The following R3HCC1L variants were observed in gnomAD, a reference collection of about 807,000 sequenced individuals.
R3HCC1L encodes R3H domain and coiled-coil containing 1 like.
A neutral mutation model predicts 59.9 loss-of-function variants in R3HCC1L; 51 were observed. That is an observed-to-expected ratio of 0.85 (90% confidence interval 0.68 to 1.07). The LOEUF (loss-of-function observed/expected upper bound fraction) is 1.07. Ranked by LOEUF, R3HCC1L falls within the 50% of genes least tolerant of loss-of-function variation. R3HCC1L has a pLI of 0.00. For synonymous variants in R3HCC1L, 322 were observed against 315.2 expected, an observed-to-expected ratio of 1.02 and a Z score of -0.23; for missense variants, 965 against 933.0, an observed-to-expected ratio of 1.03 and a Z score of -0.45.
intron 1 of R3HCC1L, among the ~76,000 whole-genome samples, chr10:98,146,218 T>A (rs1845639489): frequency 6.6e-6 from 1 of 152,208 alleles, no homozygotes; most frequent in Non-Finnish European, 1.5e-5. Context: ...TTGCATACTA[T>A]ACAATTCACC....
intron 5 of R3HCC1L, among the ~76,000 whole-genome samples, chr10:98,219,432 T>C (rs1340659131): frequency 6.6e-6 from 1 of 152,366 alleles, no homozygotes; most frequent in African/African-American, 2.4e-5. Context: ...ATTTAACCCA[T>C]GTACATTCAT....
At chr10:98,169,256 A>G (rs1471429178) in intron 4 of R3HCC1L, among the ~76,000 whole-genome samples, 1 of 152,220 alleles carries the variant, frequency 6.6e-6, no homozygotes, top group Non-Finnish European at 1.5e-5. Context: ...CATCATTGTG[A>G]GACCATTCTG....
chr10:98,154,748 T>C (rs1846668694), intron 1 of R3HCC1L, among the ~76,000 whole-genome samples: 2 of 152,202 alleles, frequency 1.3e-5, no homozygotes, highest in Admixed American at 1.3e-4. Flanking sequence ...CAGTTAATTG[T>C]CTTTAGGACA....
intron 4 of R3HCC1L, among the ~76,000 whole-genome samples, chr10:98,180,858 A>G (rs1196710630): frequency 6.6e-6 from 1 of 151,982 alleles, no homozygotes; most frequent in East Asian, 1.9e-4. Context: ...GTTTTATGAG[A>G]CTAGGATTGC....
At chr10:98,239,303 A>G (rs143129354) in intron 9 of R3HCC1L, among the ~76,000 whole-genome samples, 58 of 152,356 alleles carry the variant, frequency 3.8e-4, no homozygotes, top group African/African-American at 1.4e-3. Flanking sequence ...AGTGGCAGAT[A>G]TTGTTAAATC....
chr10:98,221,643 C>T (rs1854981971), intron 5 of R3HCC1L, among the ~76,000 whole-genome samples: 1 of 151,632 alleles, frequency 6.6e-6, no homozygotes, highest in African/African-American at 2.4e-5. Context: ...GGAATCCTTT[C>T]CCCATTGCTT....
At chr10:98,237,979 CT>C (rs760088996) in intron 9 of R3HCC1L, among the ~76,000 whole-genome samples, 12 of 152,088 alleles carry the variant, frequency 7.9e-5, no homozygotes, top group Non-Finnish European at 1.5e-4. Flanking sequence ...AGGTAAGTAA[CT>C]TACTTACTTT....
chr10:98,175,803 A>G (rs1848952780), intron 4 of R3HCC1L, among the ~76,000 whole-genome samples: 1 of 152,170 alleles, frequency 6.6e-6, no homozygotes, highest in African/African-American at 2.4e-5. Context: ...TGATTTAAAA[A>G]TTATTTTATT....
At chr10:98,172,899 C>G (rs1431374423) in intron 4 of R3HCC1L, among the ~76,000 whole-genome samples, 1 of 152,186 alleles carries the variant, frequency 6.6e-6, no homozygotes, top group Non-Finnish European at 1.5e-5. Flanking sequence ...AAAAATTTTA[C>G]AAGTTGAGCA....
At chr10:98,178,176 T>C (rs997276441) in intron 4 of R3HCC1L, among the ~76,000 whole-genome samples, 7 of 152,224 alleles carry the variant, frequency 4.6e-5, no homozygotes, top group African/African-American at 1.4e-4. Context: ...TAGGTTTTTT[T>C]CTAGGGTTTT....
rs1438038345 is a variant in R3HCC1L, at chr10:98,164,723, G to A, written c.-15+1326G>A. On this transcript the variant is annotated intron_variant, in intron 4 of 9. Coordinates refer to ENST00000298999, the MANE Select transcript of R3HCC1L (RefSeq NM_001351015.2). ...GACAATCTGTGACAGCCTGTGAATT[G>A]TTGGGCAGCAGTTGGGGAAGATGGA... 2.6e-5 allele frequency among the ~76,000 whole-genome samples: 4 copies of A among 152,302 alleles called. No individual in the cohort carries two copies. In the East Asian group the frequency reaches 5.8e-4, roughly 22 times the overall value.
chr10:98,166,384 A>G (rs192816121), intron 4 of R3HCC1L, among the ~76,000 whole-genome samples: 144 of 152,332 alleles, frequency 9.5e-4, no homozygotes, highest in Admixed American at 8.6e-3. Flanking sequence ...GTACTTTGTT[A>G]TAGCAGCATG....
At chr10:98,171,292 C>A (rs1010578360) in intron 4 of R3HCC1L, among the ~76,000 whole-genome samples, 15 of 152,088 alleles carry the variant, frequency 9.9e-5, no homozygotes, top group African/African-American at 3.6e-4. Flanking sequence ...CCTATACAAT[C>A]CCTTTCGGTA....
In R3HCC1L at chr10:98,209,665, A is replaced by AG; in HGVS notation, c.1552dup (p.Ala518GlyfsTer18). The AG allele has an allele frequency of 6.2e-7, 1 of 1,614,066 alleles. No homozygotes were observed. Among genetic ancestry groups the AG allele is most frequent in the Non-Finnish European group, 8.5e-7 (1 of 1,179,954 alleles). On this transcript the variant is annotated frameshift_variant, in exon 5 of 10. Coordinates refer to ENST00000298999, the MANE Select transcript of R3HCC1L (RefSeq NM_001351015.2). LOFTEE classifies it high-confidence loss of function. Reference sequence around the variant, plus strand: ...TGGGTAGTACTGGTGATACAACAGAAGCATTGCACGAACTAAGAACTGCCG... The same window carrying AG: ...TGGGTAGTACTGGTGATACAACAGAAGGCATTGCACGAACTAAGAACTGCCG...
chr10:98,162,150 A>G (rs1256966429), intron 2 of R3HCC1L, among the ~76,000 whole-genome samples: 1 of 149,888 alleles, frequency 6.7e-6, no homozygotes, highest in African/African-American at 2.5e-5. Context: ...TTTCTTTTGT[A>G]TGTCTGCATG....
intron 5 of R3HCC1L, among the ~76,000 whole-genome samples, chr10:98,215,404 ATT>A (rs67887074): frequency 9.2e-5 from 14 of 151,732 alleles, no homozygotes; most frequent in African/African-American, 2.7e-4. Context: ...TTAGACATAA[ATT>A]TTTTTTTATC....
intron 5 of R3HCC1L, among the ~76,000 whole-genome samples, chr10:98,228,679 A>G (rs1220251672): frequency 3.3e-5 from 5 of 152,132 alleles, no homozygotes; most frequent in Admixed American, 3.3e-4. Flanking sequence ...CCTGAGTGGT[A>G]TTGCCTAGGT....
At chr10:98,141,941 G>A (rs1845179159) in intron 1 of R3HCC1L, among the ~76,000 whole-genome samples, 1 of 152,166 alleles carries the variant, frequency 6.6e-6, no homozygotes. Context: ...GTGGGGGTGG[G>A]AGGTAGCAAG....
Position 98,175,495 on chromosome 10 carries a change from G to A in R3HCC1L, c.-15+12098G>A, listed in dbSNP as rs79162262. Among the ~76,000 whole-genome samples the A allele has an allele frequency of 3.0e-3, 455 of 152,180 alleles. 4 individuals are homozygous for A. Among genetic ancestry groups the A allele is most frequent in the African/African-American group, 9.3e-3 (386 of 41,532 alleles). Reference sequence around the variant, plus strand: ...GCCCCTTACCTGACCCCAAGCTTCTGGCAACCAGTGGTATGTTTTCTGTCT... The same window carrying A: ...GCCCCTTACCTGACCCCAAGCTTCTAGCAACCAGTGGTATGTTTTCTGTCT... On this transcript the variant is annotated intron_variant, in intron 4 of 9. Transcript: ENST00000298999.
Sources: gnomAD v4.1 joint callset for allele counts (sites outside exome capture counted in the v4.1 genomes callset) on GRCh38, gnomAD v4.1.1 for gene constraint, MANE v1.5 for transcripts, NCBI Gene and HGNC (gene_info 2026-07-23, HGNC 2026-07-21) for gene names.